UBAC2: variants seen among roughly 807,000 people sequenced by gnomAD.
The protein encoded by UBAC2 is ubiquitin-associated domain-containing protein 2.
A neutral mutation model predicts 44.0 loss-of-function variants in UBAC2; 26 were observed. The observed-to-expected ratio is 0.59, with a 90% CI of 0.43 to 0.82. The LOEUF (loss-of-function observed/expected upper bound fraction) is 0.82. UBAC2 is among the 40% of genes least tolerant of loss of function. The pLI is 0.00. For synonymous variants in UBAC2, 155 were observed against 154.3 expected (o/e 1.00, Z -0.04); for missense variants, 329 against 419.4 (o/e 0.78, Z 1.88).
chr13:99,231,903 TG>T (rs2142710310), intron 1 of UBAC2, among the ~76,000 whole-genome samples: 1 of 152,298 alleles, frequency 6.6e-6, no homozygotes, highest in African/African-American at 2.4e-5. Context: ...CATACATGAT[TG>T]GTTGCTGATC....
chr13:99,221,634 G>A (rs1312343173), intron 1 of UBAC2, among the ~76,000 whole-genome samples: 4 of 152,036 alleles, frequency 2.6e-5, no homozygotes, highest in Admixed American at 2.6e-4. Context: ...CTTTTCTATG[G>A]CCACTCTAGA....
At chr13:99,384,341 G>A (rs1162499505) in intron 8 of UBAC2, among the ~76,000 whole-genome samples, 7 of 152,080 alleles carry the variant, frequency 4.6e-5, no homozygotes. Context: ...CAAAAAAAAT[G>A]TATTCCTGTG....
At chr13:99,266,087 G>A (rs559548156) in intron 4 of UBAC2, among the ~76,000 whole-genome samples, 33 of 152,068 alleles carry the variant, frequency 2.2e-4, no homozygotes, top group Non-Finnish European at 4.4e-4. Flanking sequence ...GGGTCTTGGA[G>A]CTCTTCACCT....
chr13:99,228,438 C>A (rs932680257), intron 1 of UBAC2, among the ~76,000 whole-genome samples: 2 of 151,706 alleles, frequency 1.3e-5, no homozygotes, highest in African/African-American at 4.8e-5. Flanking sequence ...CAGGCTCCCC[C>A]GCACCCCACC....
At chr13:99,247,357 G>C (rs951899853) in intron 4 of UBAC2, among the ~76,000 whole-genome samples, 23 of 151,616 alleles carry the variant, frequency 1.5e-4, no homozygotes, top group East Asian at 7.8e-4. Flanking sequence ...TGGGACTACA[G>C]GCGCCCGCTA....
intron 4 of UBAC2, among the ~76,000 whole-genome samples, chr13:99,288,411 GAT>G (rs2044048151): frequency 6.6e-6 from 1 of 152,184 alleles, no homozygotes. Context: ...TTAGCATGCA[GAT>G]AGACAACAGC....
intron 1 of UBAC2, among the ~76,000 whole-genome samples, chr13:99,233,557 G>C (rs779008168): frequency 1.3e-5 from 2 of 152,118 alleles, no homozygotes; most frequent in Non-Finnish European, 2.9e-5. Context: ...GGCGTTGAGG[G>C]CCCTGGTTGA....
intron 2 of UBAC2, among the ~76,000 whole-genome samples, chr13:99,242,869 G>C (rs1334651225): frequency 6.8e-6 from 1 of 146,320 alleles, no homozygotes; most frequent in Non-Finnish European, 1.5e-5. Flanking sequence ...TCACCTCCCA[G>C]ACGGGGCGGC....
Position 99,295,288 on chromosome 13 carries a change from G to A in UBAC2, c.390-18809G>A. 1 of 1,614,080 alleles carries A rather than the reference G, an allele frequency of 6.2e-7. No individual in the cohort carries two copies. The highest frequency in any genetic ancestry group is 8.5e-7 in the Non-Finnish European group (1 of 1,180,006). On this transcript the variant is annotated intron_variant, in intron 4 of 8. Transcript: ENST00000403766. The surrounding 1 kb of genome is among the most constrained non-coding windows in gnomAD (Gnocchi z 4.1). ...ATACTGTAAAGTGCAGAGAAATCTG[G>A]AACGAATGTCTTTGGCTACATTCCA...
At chr13:99,369,128 A>G (rs529853711) in intron 8 of UBAC2, among the ~76,000 whole-genome samples, 14 of 152,244 alleles carry the variant, frequency 9.2e-5, no homozygotes, top group African/African-American at 3.1e-4. Context: ...TGGAATGTCA[A>G]GTAATAAATA....
At chr13:99,211,276 T>G (rs1180365696) in intron 1 of UBAC2, among the ~76,000 whole-genome samples, 1 of 152,232 alleles carries the variant, frequency 6.6e-6, no homozygotes, top group Non-Finnish European at 1.5e-5. Context: ...GCTAGTAGTA[T>G]GTGGAAGAGC....
chr13:99,328,636 T>A (rs911238531), intron 6 of UBAC2, among the ~76,000 whole-genome samples: 2 of 152,238 alleles, frequency 1.3e-5, no homozygotes, highest in Non-Finnish European at 2.9e-5. Flanking sequence ...GTCATTTTCA[T>A]ATCTTTTGTG....
chr13:99,228,272 A>G (rs1287430210), intron 1 of UBAC2, among the ~76,000 whole-genome samples: 4 of 151,004 alleles, frequency 2.6e-5, no homozygotes, highest in South Asian at 2.1e-4. Flanking sequence ...GGTAGGAGCA[A>G]TATTCTCTAT....
chr13:99,312,184 C>T lies in UBAC2; in HGVS notation c.390-1913C>T, dbSNP rs546801355. The stretch of plus-strand genomic sequence containing the variant: ...GAGGACAGTGCATTTTTTAAAATAA[C>T]GTAGTCTCTATCAAGGATGAGAAAT... On this transcript the variant is annotated intron_variant, in intron 4 of 8. Transcript: ENST00000403766. Among the ~76,000 whole-genome samples, 3 of 152,206 alleles carry T rather than the reference C, an allele frequency of 2.0e-5. 1 individual carries two copies. Among genetic ancestry groups the T allele is most frequent in the Admixed American group, 1.3e-4 (2 of 15,276 alleles).
At chr13:99,341,480 A>G (rs959952602) in intron 7 of UBAC2, among the ~76,000 whole-genome samples, 3 of 152,160 alleles carry the variant, frequency 2.0e-5, no homozygotes, top group Admixed American at 6.5e-5. Flanking sequence ...TAGAGAAGCA[A>G]AAGTTGTTTC....
chr13:99,314,259 G>GAA, intron 5 of UBAC2, 39 bp downstream of exon 5: 3 of 1,063,176 alleles, frequency 2.8e-6, no homozygotes, highest in Non-Finnish European at 3.8e-6. Context: ...TCTTTAACCA[G>GAA]ATCTTTTTTT....
intron 7 of UBAC2, among the ~76,000 whole-genome samples, chr13:99,366,875 CT>C (rs1048980299): frequency 2.6e-5 from 4 of 152,152 alleles, no homozygotes; most frequent in Admixed American, 2.0e-4. Context: ...CCACTTACTT[CT>C]TTCATATTTA....
chr13:99,299,840 A>G (rs1177857980), intron 4 of UBAC2, among the ~76,000 whole-genome samples: 2 of 152,192 alleles, frequency 1.3e-5, no homozygotes, highest in African/African-American at 4.8e-5. Context: ...AAAACTGACA[A>G]TAAATATCAA....
At chr13:99,378,127 A>G (rs568678905) in intron 8 of UBAC2, among the ~76,000 whole-genome samples, 2 of 152,262 alleles carry the variant, frequency 1.3e-5, no homozygotes, top group Admixed American at 1.3e-4. Context: ...CGTTAGCATC[A>G]TCTCCATCAT....
Sources: allele counts gnomAD v4.1 joint callset (sites outside exome capture counted in the v4.1 genomes callset), GRCh38; gene constraint gnomAD v4.1.1; non-coding constraint Gnocchi (gnomAD v3.1); transcripts MANE v1.5; gene names NCBI Gene and HGNC (gene_info 2026-07-23, HGNC 2026-07-21).